Variants in ASCC3 observed in about 807,000 individuals in gnomAD.
The protein encoded by ASCC3 is activating signal cointegrator 1 complex subunit 3, also known as ASC-1 complex subunit P200.
ASCC3 carries 158 observed loss-of-function variants against 256.3 expected under a neutral mutation model. The ratio of observed to expected loss-of-function variants is 0.62; its 90% confidence interval spans 0.54 to 0.70. ASCC3 has a LOEUF of 0.70. ASCC3 is among the 30% of genes least tolerant of loss of function. ASCC3 has a pLI of 0.00. For missense variants in ASCC3, 2,259 were observed against 2,626.0 expected (o/e 0.86, Z 3.05); for synonymous variants, 948 against 883.4 (o/e 1.07, Z -1.30).
chr6:100,611,307 A>G (rs1233377216), intron 30 of ASCC3, among the ~76,000 whole-genome samples: 4 of 152,164 alleles, frequency 2.6e-5, no homozygotes, highest in Admixed American at 2.0e-4. Flanking sequence ...ACATCATAAA[A>G]AGCAAAATTT....
intron 13 of ASCC3, 141 bp downstream of exon 13, chr6:100,715,321 T>G: frequency 1.5e-6 from 1 of 679,264 alleles, no homozygotes. Context: ...AAAGCAGTTA[T>G]TAAGAATTAG....
chr6:100,597,581 T>G (rs1772363020), intron 34 of ASCC3, among the ~76,000 whole-genome samples: 1 of 151,446 alleles, frequency 6.6e-6, no homozygotes, highest in Non-Finnish European at 1.5e-5. Context: ...GGGCATAGGG[T>G]TCTACTTCAG....
rs189719077 is a variant in ASCC3 at position 100,602,979 on chromosome 6, T to A, written c.5178-1044A>T. ...AGGTCACCAGCTGCAGACTACAAAT[T>A]GGTCCAGTCAATTTTGAGATCAAAT... On this transcript the variant is annotated intron_variant, in intron 33 of 41. Coordinates refer to ENST00000369162, the MANE Select transcript of ASCC3 (RefSeq NM_006828.4). 7.2e-5 allele frequency among the ~76,000 whole-genome samples: 11 copies of A among 152,196 alleles called. No homozygotes were observed. The East Asian group carries it at 1.9e-3, about 27-fold the overall frequency.
intron 30 of ASCC3, among the ~76,000 whole-genome samples, chr6:100,623,984 G>A (rs994143147): frequency 6.6e-6 from 1 of 151,688 alleles, no homozygotes; most frequent in Non-Finnish European, 1.5e-5. Flanking sequence ...GAGGAGGGGG[G>A]AGGGATAGCA....
intron 1 of ASCC3, among the ~76,000 whole-genome samples, chr6:100,872,387 G>A (rs1001896741): frequency 2.1e-5 from 3 of 145,812 alleles, no homozygotes; most frequent in East Asian, 2.1e-4. Flanking sequence ...ATTAGGATTC[G>A]GTAATGAGGT....
At chr6:100,809,045 C>A (rs145047618) in intron 4 of ASCC3, among the ~76,000 whole-genome samples, 25 of 151,952 alleles carry the variant, frequency 1.6e-4, no homozygotes, top group African/African-American at 6.0e-4. Flanking sequence ...ACGGAGCCTG[C>A]AGGATTGGAA....
At chr6:100,673,841 T>G (rs1283374229) in intron 14 of ASCC3, among the ~76,000 whole-genome samples, 2 of 152,214 alleles carry the variant, frequency 1.3e-5, no homozygotes. Flanking sequence ...TGACCATGCC[T>G]AGCCCTCCAT....
At chr6:100,850,561 A>G (rs756162640) in intron 3 of ASCC3, among the ~76,000 whole-genome samples, 4 of 152,212 alleles carry the variant, frequency 2.6e-5, no homozygotes, top group Non-Finnish European at 4.4e-5. Flanking sequence ...GTATTTTTAT[A>G]CTACATCAAA....
intron 14 of ASCC3, among the ~76,000 whole-genome samples, chr6:100,676,817 T>A (rs1273930998): frequency 6.6e-6 from 1 of 152,130 alleles, no homozygotes; most frequent in Non-Finnish European, 1.5e-5. Context: ...GTTTTGTTAT[T>A]TACACAAATA....
Position 100,829,347 on chromosome 6 carries a change from G to A in ASCC3, c.801+18801C>T, listed in dbSNP as rs866508759. ...TGGAGTGGCGGGGAGGCTCAGGCAT[G>A]GCGGGCTGCAGGTCCTGAGCCCTGC... On this transcript the variant is annotated intron_variant, in intron 4 of 41. Transcript: ENST00000369162. Among the ~76,000 whole-genome samples the A allele has an allele frequency of 2.0e-5, 3 of 151,964 alleles. No homozygotes were observed. In the South Asian group the frequency reaches 6.2e-4, roughly 32 times the overall value.
chr6:100,587,994 T>C (rs1771794125), intron 36 of ASCC3, among the ~76,000 whole-genome samples: 1 of 152,288 alleles, frequency 6.6e-6, no homozygotes, highest in African/African-American at 2.4e-5. Flanking sequence ...TAAATTACTT[T>C]GTATCTCCCA....
intron 3 of ASCC3, among the ~76,000 whole-genome samples, chr6:100,863,374 GTTA>G (rs1773318631): frequency 6.6e-6 from 1 of 152,158 alleles, no homozygotes; most frequent in African/African-American, 2.4e-5. Flanking sequence ...TTTAAGTGCT[GTTA>G]TTCACTGTGT....
At chr6:100,679,248 C>T (rs9399656) in intron 14 of ASCC3, among the ~76,000 whole-genome samples, 52,581 of 149,976 alleles carry the variant, frequency 0.35, 10,792 homozygotes, top group Middle Eastern at 0.52. Flanking sequence ...TTGTATCTGT[C>T]AATATTAACC....
chr6:100,588,335 T>C (rs1248825836), intron 36 of ASCC3, among the ~76,000 whole-genome samples: 2 of 152,170 alleles, frequency 1.3e-5, no homozygotes, highest in African/African-American at 2.4e-5. Context: ...AAAGAAGTTA[T>C]ATTCTTAAAT....
intron 3 of ASCC3, among the ~76,000 whole-genome samples, chr6:100,862,694 A>G (rs1183027052): frequency 6.6e-6 from 1 of 152,230 alleles, no homozygotes; most frequent in East Asian, 1.9e-4. Context: ...TGGAGAGTTT[A>G]ACAAGAATAA....
intron 25 of ASCC3, among the ~76,000 whole-genome samples, chr6:100,636,023 C>G (rs1774826449): frequency 1.3e-5 from 2 of 152,136 alleles, no homozygotes; most frequent in African/African-American, 2.4e-5. Context: ...TTGTGTGTCA[C>G]TACATACATT....
intron 4 of ASCC3, among the ~76,000 whole-genome samples, chr6:100,815,606 G>A (rs1001765459): frequency 6.6e-6 from 1 of 151,718 alleles, no homozygotes; most frequent in African/African-American, 2.4e-5. Flanking sequence ...CCCAGAAATA[G>A]GCCCACAGAC....
intron 4 of ASCC3, among the ~76,000 whole-genome samples, chr6:100,835,766 T>G (rs541120502): frequency 2.0e-5 from 3 of 152,298 alleles, no homozygotes; most frequent in African/African-American, 7.2e-5. Flanking sequence ...ATTTTAGGAT[T>G]GTTTTTTCTA....
chr6:100,646,246 A>G (rs901894759), intron 22 of ASCC3, among the ~76,000 whole-genome samples: 2 of 152,116 alleles, frequency 1.3e-5, no homozygotes, highest in African/African-American at 4.8e-5. Context: ...ACTCGTTGAC[A>G]TATTACTAAT....
Sources: allele counts gnomAD v4.1 joint callset (sites outside exome capture counted in the v4.1 genomes callset), GRCh38; gene constraint gnomAD v4.1.1; transcripts MANE v1.5; gene names NCBI Gene and HGNC (gene_info 2026-07-23, HGNC 2026-07-21).